Variants in EHMT1 observed in about 807,000 individuals in gnomAD.
EHMT1 encodes histone-lysine N-methyltransferase EHMT1.
EHMT1 carries 15 observed loss-of-function variants against 147.2 expected under a neutral mutation model. The observed-to-expected ratio is 0.10, with a 90% CI of 0.07 to 0.16. EHMT1 has a LOEUF of 0.16. Ranked by LOEUF, EHMT1 falls within the 10% of genes least tolerant of loss-of-function variation. The probability of loss-of-function intolerance (pLI) is 1.00; values close to 1 mark genes in which losing one functional copy is unlikely to be tolerated. For synonymous variants in EHMT1, 795 were observed against 709.6 expected (o/e 1.12, Z -1.91); for missense variants, 1,587 against 1,772.4 (o/e 0.90, Z 1.88).
Position 137,834,759 on chromosome 9 carries a change from T to C in EHMT1, c.3717-14T>C. ...GGGATTCGACTTGGAGCCTTGGTTC[T>C]GTTCCCTCCCCAGGTTTGACTATGG... On this transcript the variant is annotated splice_polypyrimidine_tract_variant and intron_variant, in intron 26 of 26. Coordinates refer to ENST00000460843, the MANE Select transcript of EHMT1 (RefSeq NM_024757.5). The C allele has an allele frequency of 6.2e-7, 1 of 1,613,522 alleles. No individual in the cohort carries two copies. Among genetic ancestry groups the C allele is most frequent in the Non-Finnish European group, 8.5e-7 (1 of 1,179,782 alleles).
Position 137,775,997 on chromosome 9 carries a change from G to A in EHMT1, c.1792-621G>A, listed in dbSNP as rs945144851. Among the ~76,000 whole-genome samples the A allele has an allele frequency of 6.6e-6, 1 of 152,164 alleles. No homozygotes were observed. The highest frequency in any genetic ancestry group is 1.5e-5 in the Non-Finnish European group (1 of 68,028). The stretch of plus-strand genomic sequence containing the variant: ...TTTGAGTGTGAGCTTCAGGCACCCA[G>A]AGATGCCCTGCTGCCCCTTTACGAA... On this transcript the variant is annotated intron_variant, in intron 11 of 26. Coordinates refer to ENST00000460843, the MANE Select transcript of EHMT1 (RefSeq NM_024757.5). This position sits in a 1 kb window ranked among gnomAD's most constrained non-coding sequence, Gnocchi z 6.1.
intron 1 of EHMT1, among the ~76,000 whole-genome samples, chr9:137,700,660 C>G (rs1943754891): frequency 6.6e-6 from 1 of 152,172 alleles, no homozygotes; most frequent in Admixed American, 6.5e-5. Flanking sequence ...CATGCCACCC[C>G]ACCCTCCCTA....
intron 1 of EHMT1, among the ~76,000 whole-genome samples, chr9:137,669,104 C>G (rs1940084167): frequency 6.6e-6 from 1 of 152,188 alleles, no homozygotes; most frequent in African/African-American, 2.4e-5. Context: ...GCAAGATCGT[C>G]TTGAACTCCT....
chr9:137,735,974 A>G (rs1947499168), intron 4 of EHMT1, among the ~76,000 whole-genome samples: 1 of 152,216 alleles, frequency 6.6e-6, no homozygotes, highest in Non-Finnish European at 1.5e-5. Flanking sequence ...AAATCTCTTT[A>G]TCTTTTATGG....
At chr9:137,754,342 G>T in intron 8 of EHMT1, 51 bp downstream of exon 8, 1 of 1,607,912 alleles carries the variant, frequency 6.2e-7, no homozygotes, top group South Asian at 1.1e-5. Context: ...GGGAGGGGAT[G>T]GTGCCAGGAG....
chr9:137,650,348 C>T (rs1937661137), intron 1 of EHMT1, among the ~76,000 whole-genome samples: 1 of 151,870 alleles, frequency 6.6e-6, no homozygotes, highest in African/African-American at 2.4e-5. Flanking sequence ...ATCTGCTCAC[C>T]TTGGCCTCCC....
chr9:137,697,327 G>A (rs1285222362), intron 1 of EHMT1: 1 of 206,572 alleles, frequency 4.8e-6, no homozygotes, highest in Non-Finnish European at 1.0e-5. Context: ...GTGCCTGATT[G>A]TTTTAGCACT....
chr9:137,668,793 T>C (rs1268010121), intron 1 of EHMT1, among the ~76,000 whole-genome samples: 1 of 152,174 alleles, frequency 6.6e-6, no homozygotes, highest in East Asian at 1.9e-4. Flanking sequence ...CGAGTTTTTG[T>C]GTGGACCTGG....
At chr9:137,756,685 A>G (rs1949401361) in intron 8 of EHMT1, among the ~76,000 whole-genome samples, 1 of 152,250 alleles carries the variant, frequency 6.6e-6, no homozygotes, top group Admixed American at 6.5e-5. Flanking sequence ...TAGAGCCAAG[A>G]CTAAAAGTTG....
intron 26 of EHMT1, 65 bp downstream of exon 26, chr9:137,834,589 G>C (rs963141098): frequency 1.2e-6 from 2 of 1,602,952 alleles, no homozygotes; most frequent in Admixed American, 3.4e-5. Flanking sequence ...AACGGGGCTC[G>C]CATTGCTTTC....
At chr9:137,727,352 C>T (rs748512179) in intron 3 of EHMT1, among the ~76,000 whole-genome samples, 5 of 152,118 alleles carry the variant, frequency 3.3e-5, no homozygotes, top group African/African-American at 4.8e-5. Flanking sequence ...TTTGGTTTCA[C>T]GTCTAGAAAA....
In EHMT1 at chr9:137,776,734, G is replaced by A. The variant is rs1338225792; in HGVS notation, c.1908G>A (p.Lys636=). 1.2e-6 allele frequency: 2 copies of A among 1,613,952 alleles called. No individual in the cohort carries two copies. The highest frequency in any genetic ancestry group is 1.7e-6 in the Non-Finnish European group (2 of 1,180,036). Residue 636 remains lysine (K), a synonymous_variant, in exon 12 of 27, where the codon AAG becomes AAA. Coordinates refer to ENST00000460843, the MANE Select transcript of EHMT1 (RefSeq NM_024757.5). This position sits in a 1 kb window ranked among gnomAD's most constrained non-coding sequence, Gnocchi z 4.4. ...YCPHCGEESS[K]AKEVTIAKAD... is the part of the protein sequence containing the mutation. ...CCCACTGTGGGGAGGAGAGCTCCAAGGCCAAAGAGGTGACGATAGCTAAAG... is the reference window on the plus strand; with the variant it reads ...CCCACTGTGGGGAGGAGAGCTCCAAAGCCAAAGAGGTGACGATAGCTAAAG...
At chr9:137,768,529 A>ATTTTTTTTTTTTT (rs947901899) in intron 10 of EHMT1, among the ~76,000 whole-genome samples, 8 of 18,286 alleles carry the variant, frequency 4.4e-4, no homozygotes, top group Admixed American at 8.8e-4. Flanking sequence ...AATTTTTTGT[A>ATTTTTTTTTTTTT]TTTTTTTTTT....
At chr9:137,659,401 T>A (rs1443735349) in intron 1 of EHMT1, among the ~76,000 whole-genome samples, 1 of 151,658 alleles carries the variant, frequency 6.6e-6, no homozygotes, top group Non-Finnish European at 1.5e-5. Context: ...TTTCTAAAAT[T>A]AATTAATTAA....
At chr9:137,691,851 C>T (rs1244213373) in intron 1 of EHMT1, among the ~76,000 whole-genome samples, 2 of 152,266 alleles carry the variant, frequency 1.3e-5, no homozygotes, top group South Asian at 2.1e-4. Flanking sequence ...TCTTGGCTCC[C>T]GCCCACATGC....
chr9:137,784,370 T>C (rs928857283), intron 15 of EHMT1: 3 of 1,268,204 alleles, frequency 2.4e-6, no homozygotes, highest in Non-Finnish European at 2.0e-6. Context: ...CCAGCCCCGG[T>C]AAATAAATTG....
chr9:137,666,031 C>T (rs1939606617), intron 1 of EHMT1: 1 of 152,240 alleles, frequency 6.6e-6, no homozygotes, highest in Non-Finnish European at 1.5e-5. Flanking sequence ...TGATGGGGTA[C>T]AAGCAAGAAA....
intron 1 of EHMT1, among the ~76,000 whole-genome samples, chr9:137,688,670 A>G (rs1482853273): frequency 6.6e-6 from 1 of 152,270 alleles, no homozygotes; most frequent in Non-Finnish European, 1.5e-5. Context: ...ATAAAATTTT[A>G]ATAGATTGTC....
intron 18 of EHMT1, among the ~76,000 whole-genome samples, chr9:137,808,573 G>A (rs954743884): frequency 1.3e-5 from 2 of 151,316 alleles, no homozygotes; most frequent in East Asian, 1.9e-4. Context: ...CAGGCTTGTC[G>A]TAACTCAGCC....
Sources: allele counts gnomAD v4.1 joint callset (sites outside exome capture counted in the v4.1 genomes callset), GRCh38; gene constraint gnomAD v4.1.1; non-coding constraint Gnocchi (gnomAD v3.1); transcripts MANE v1.5; gene names NCBI Gene and HGNC (gene_info 2026-07-23, HGNC 2026-07-21).